The following CYP2C8 variants were observed in gnomAD, a reference collection of about 807,000 sequenced individuals.
CYP2C8 encodes the protein cytochrome P450 2C8.
In CYP2C8, 51 loss-of-function variants were observed where a neutral mutation model predicts 41.3. That is an observed-to-expected ratio of 1.24 (90% CI 0.99 to 1.56). The LOEUF (loss-of-function observed/expected upper bound fraction) is 1.56, where lower values mean the gene tolerates loss of function less well. Among genes scored for constraint, CYP2C8 ranks in the 40% most tolerant of loss-of-function variants. CYP2C8 has a pLI of 0.00. For missense variants in CYP2C8, 651 were observed against 579.9 expected, an observed-to-expected ratio of 1.12 and a Z score of -1.26; for synonymous variants, 218 against 205.8, an observed-to-expected ratio of 1.06 and a Z score of -0.51.
chr10:95,054,919 T>G (rs1482298225), intron 5 of CYP2C8, among the ~76,000 whole-genome samples: 1 of 152,108 alleles, frequency 6.6e-6, no homozygotes, highest in Non-Finnish European at 1.5e-5. Context: ...TGGCAAACCA[T>G]GTCATTTTAA....
intron 7 of CYP2C8, among the ~76,000 whole-genome samples, chr10:95,039,729 G>A (rs1450441593): frequency 1.3e-5 from 2 of 152,176 alleles, no homozygotes; most frequent in Non-Finnish European, 2.9e-5. Context: ...TTTACTAGTT[G>A]CATATAAAAA....
chr10:95,060,076 C>G (rs923415556), intron 4 of CYP2C8, among the ~76,000 whole-genome samples: 2 of 152,068 alleles, frequency 1.3e-5, no homozygotes, highest in Non-Finnish European at 2.9e-5. Flanking sequence ...GTCAGGTAGC[C>G]TGATGCCTCC....
Position 95,037,300 on chromosome 10 carries a change from A to G in CYP2C8, c.1301T>C (p.Ile434Thr). 6.2e-7 allele frequency: 1 copy of G among 1,613,314 alleles called. No individual in the cohort carries two copies. The highest frequency in any genetic ancestry group is 8.5e-7 in the Non-Finnish European group (1 of 1,179,678). ...GCGGGCAAGTCCTTCTCCTGCACAA[A>G]TTCGTTTTCCTGAAGATAACAAAGA... ...YFMPFSAGKR[I>T]CAGEGLARME... Residue 434 changes from isoleucine to threonine, a missense_variant, in exon 9 of 9, where the codon ATT (isoleucine) becomes ACT (threonine). Ile to Thr is a moderately conservative substitution (Grantham distance 89, BLOSUM62 -1). Transcript: ENST00000371270.
At chr10:95,065,489 A>ATG (rs2033542574) in intron 3 of CYP2C8, among the ~76,000 whole-genome samples, 1 of 152,202 alleles carries the variant, frequency 6.6e-6, no homozygotes, top group African/African-American at 2.4e-5. Context: ...ATGAGAAGAA[A>ATG]AACTAATATA....
intron 1 of CYP2C8, 104 bp downstream of exon 1, chr10:95,069,131 T>G: frequency 7.7e-7 from 1 of 1,306,464 alleles, no homozygotes; most frequent in Non-Finnish European, 1.1e-6. Flanking sequence ...TGCTTTACAA[T>G]GATCTATTAT....
At position 95,037,284 on chromosome 10, in the gene CYP2C8, T is replaced by G; in HGVS notation, c.1317A>C (p.Gly439=). 6.2e-7 allele frequency: 1 copy of G among 1,613,588 alleles called. No homozygotes were observed. The highest frequency in any genetic ancestry group is 8.5e-7 in the Non-Finnish European group (1 of 1,179,768). ...ATAAAAATAGCTCCATGCGGGCAAG[T>G]CCTTCTCCTGCACAAATTCGTTTTC... ...SAGKRICAGE[G]LARMELFLFL... The change falls in exon 9 of 9, where the codon GGA becomes GGC. Residue 439 remains glycine (G), a synonymous_variant. Transcript: ENST00000371270.
At chr10:95,055,966 G>A (rs1589443014) in intron 5 of CYP2C8, among the ~76,000 whole-genome samples, 1 of 151,986 alleles carries the variant, frequency 6.6e-6, no homozygotes, top group Non-Finnish European at 1.5e-5. Context: ...GGGGGTTTGT[G>A]CCTGTGCTCC....
chr10:95,069,158 G>C, intron 1 of CYP2C8, 77 bp downstream of exon 1: 1 of 1,476,854 alleles, frequency 6.8e-7, no homozygotes. Context: ...GTGCTTCCAG[G>C]AATATATTTT....
rs2032894092 is a variant in CYP2C8 at position 95,037,013 on chromosome 10, T to C, written c.*115A>G. The C allele has an allele frequency of 1.0e-6, 1 of 979,696 alleles. No individual in the cohort carries two copies. The highest frequency in any genetic ancestry group is 1.6e-5 in the African/African-American group (1 of 62,456). The allele number at this position is 979,696 out of a possible 1,614,324, so 60.7% of individuals were successfully genotyped here. On this transcript the variant is annotated 3_prime_UTR_variant, in exon 9 of 9. Transcript: ENST00000371270. ...TGGAGTTTGGATGCTTATGGGATATTGAGTGAATGGGAAGATTTGATGAGA... is the reference window on the plus strand; with the variant it reads ...TGGAGTTTGGATGCTTATGGGATATCGAGTGAATGGGAAGATTTGATGAGA...
intron 5 of CYP2C8, among the ~76,000 whole-genome samples, chr10:95,056,940 C>T (rs1394476873): frequency 6.6e-6 from 1 of 152,090 alleles, no homozygotes; most frequent in African/African-American, 2.4e-5. Flanking sequence ...GTTGAACAGG[C>T]AGTGGTACAG....
In CYP2C8 at chr10:95,058,351, A is replaced by T; in HGVS notation, c.803T>A (p.Leu268Gln). Residue 268 changes from leucine (L) to glutamine (Q), a missense_variant, in exon 5 of 9, where the codon CTG becomes CAG. Coordinates refer to ENST00000371270, the MANE Select transcript of CYP2C8 (RefSeq NM_000770.3). ...ATATCTTACCTGCTCCATTTTGATC[A>T]GGAAGCAATCGATAAAGTCCCGAGG... The part of the protein sequence containing the change: ...NNPRDFIDCF[L>Q]IKMEQEKDNQ... 1 of 1,613,274 alleles carries T rather than the reference A, an allele frequency of 6.2e-7. No homozygotes were observed. Among genetic ancestry groups the T allele is most frequent in the Non-Finnish European group, 8.5e-7 (1 of 1,179,524 alleles).
chr10:95,064,787 A>G lies in CYP2C8; in HGVS notation c.642+13T>C. ...ATAAATGGTTTCCAAGGAAAATAAA[A>G]TCTTGGCCTTACCTGGATCCATGGG... On this transcript the variant is annotated intron_variant, in intron 4 of 8. Transcript: ENST00000371270. 3.1e-6 allele frequency: 5 copies of G among 1,613,306 alleles called. No homozygotes were observed. Among genetic ancestry groups the G allele is most frequent in the Non-Finnish European group, 4.2e-6 (5 of 1,179,350 alleles).
At chr10:95,060,856 G>T (rs773157978) in intron 4 of CYP2C8, among the ~76,000 whole-genome samples, 3 of 152,170 alleles carry the variant, frequency 2.0e-5, no homozygotes, top group Admixed American at 6.6e-5. Context: ...AGACTGAAGT[G>T]CTGTTGAATT....
intron 5 of CYP2C8, among the ~76,000 whole-genome samples, chr10:95,049,400 C>A (rs2033171334): frequency 6.6e-6 from 1 of 152,106 alleles, no homozygotes; most frequent in South Asian, 2.1e-4. Flanking sequence ...CCTCTCTTCC[C>A]CTGGCAGCAG....
intron 8 of CYP2C8, among the ~76,000 whole-genome samples, chr10:95,037,722 C>T (rs571935104): frequency 6.6e-6 from 1 of 152,328 alleles, no homozygotes; most frequent in African/African-American, 2.4e-5. Context: ...ACTTTTCCTT[C>T]CACTTTTCAC....
intron 5 of CYP2C8, among the ~76,000 whole-genome samples, chr10:95,051,800 A>G (rs1347834506): frequency 6.6e-6 from 1 of 152,140 alleles, no homozygotes; most frequent in East Asian, 1.9e-4. Flanking sequence ...ATCAAAACCT[A>G]TGGGATTCAG....
At chr10:95,043,525 A>G (rs185282487) in intron 6 of CYP2C8, among the ~76,000 whole-genome samples, 1 of 152,262 alleles carries the variant, frequency 6.6e-6, no homozygotes, top group Non-Finnish European at 1.5e-5. Context: ...TACTGTCTTC[A>G]TTCTTCCATT....
chr10:95,062,130 G>A (rs2033449885), intron 4 of CYP2C8, among the ~76,000 whole-genome samples: 2 of 152,208 alleles, frequency 1.3e-5, no homozygotes, highest in Non-Finnish European at 2.9e-5. Context: ...ATTAGGGGTG[G>A]AGAGTTCTGT....
chr10:95,062,818 T>C (rs954437544), intron 4 of CYP2C8, among the ~76,000 whole-genome samples: 1 of 152,228 alleles, frequency 6.6e-6, no homozygotes, highest in Non-Finnish European at 1.5e-5. Context: ...TCAGGAGCTC[T>C]TTTAGGGCAG....
Sources: gnomAD v4.1 joint callset for allele counts (sites outside exome capture counted in the v4.1 genomes callset) on GRCh38, gnomAD v4.1.1 for gene constraint, MANE v1.5 for transcripts, NCBI Gene and HGNC (gene_info 2026-07-23, HGNC 2026-07-21) for gene names.